Variants in STK3 observed in about 807,000 individuals in gnomAD.
STK3 encodes serine/threonine kinase 3.
A neutral mutation model predicts 58.0 loss-of-function variants in STK3; 41 were observed. That is an observed-to-expected ratio of 0.71 (90% CI 0.55 to 0.92). STK3 has a LOEUF of 0.92. Ranked by LOEUF, STK3 falls within the 40% of genes least tolerant of loss-of-function variation. The pLI, the probability that STK3 is intolerant of heterozygous loss-of-function variation, is 0.00. For synonymous variants in STK3, 170 were observed against 191.0 expected, an observed-to-expected ratio of 0.89 and a Z score of 0.91; for missense variants, 479 against 602.7, an observed-to-expected ratio of 0.79 and a Z score of 2.15.
intron 10 of STK3, among the ~76,000 whole-genome samples, chr8:98,484,977 C>T (rs1238239184): frequency 6.6e-6 from 1 of 152,098 alleles, no homozygotes; most frequent in African/African-American, 2.4e-5. Flanking sequence ...CGGTGGCTCA[C>T]GCCTGTAATC....
chr8:98,818,625 A>C (rs1834699768), intron 1 of STK3, among the ~76,000 whole-genome samples: 1 of 152,062 alleles, frequency 6.6e-6, no homozygotes, highest in Non-Finnish European at 1.5e-5. Flanking sequence ...CTCTATACTA[A>C]GATGTCTGGT....
At chr8:98,674,331 G>T (rs918846542) in intron 6 of STK3, among the ~76,000 whole-genome samples, 1 of 151,946 alleles carries the variant, frequency 6.6e-6, no homozygotes, top group Non-Finnish European at 1.5e-5. Flanking sequence ...ACCACTAAAA[G>T]ACTCATACAC....
chr8:98,461,961 CA>C (rs563855435), intron 10 of STK3, among the ~76,000 whole-genome samples: 1 of 4,120 alleles, frequency 2.4e-4, no homozygotes, highest in South Asian at 0.017. Context: ...TTAATTAAAA[CA>C]CTTTTTTTTT....
intron 1 of STK3, among the ~76,000 whole-genome samples, chr8:98,792,000 A>C (rs1225695182): frequency 6.6e-6 from 1 of 152,268 alleles, no homozygotes. Context: ...ACGACAAAAG[A>C]ACGGTCAGCA....
intron 1 of STK3, among the ~76,000 whole-genome samples, chr8:98,942,123 G>T (rs987067306): frequency 4.3e-4 from 66 of 152,368 alleles, no homozygotes; most frequent in African/African-American, 1.3e-3. Context: ...GCCCCGCAAT[G>T]CCTGCGCCCT....
chr8:98,366,339 T>C (rs938190285), downstream of STK3, among the ~76,000 whole-genome samples: 1 of 152,242 alleles, frequency 6.6e-6, no homozygotes, highest in Non-Finnish European at 1.5e-5. Flanking sequence ...TTTAAAATAA[T>C]GACTTAAAGA....
chr8:98,603,420 A>G (rs1797943180), intron 6 of STK3: 1 of 152,054 alleles, frequency 6.6e-6, no homozygotes. Context: ...CATTTTTAGT[A>G]GAGACAAGGT....
chr8:98,350,220 G>C, the STK3 span, among the ~76,000 whole-genome samples: 1 of 152,000 alleles, frequency 6.6e-6, no homozygotes, highest in Admixed American at 6.6e-5. Context: ...CAAATCTCTA[G>C]GGCAGGGGCA....
At chr8:98,499,478 G>C (rs963582513) in intron 10 of STK3, among the ~76,000 whole-genome samples, 1 of 152,208 alleles carries the variant, frequency 6.6e-6, no homozygotes, top group Non-Finnish European at 1.5e-5. Context: ...AGGCTAGAAG[G>C]AGTGGGAGGT....
chr8:98,376,337 C>A (rs10108488), intron 2 of STK3, among the ~76,000 whole-genome samples: 2 of 152,082 alleles, frequency 1.3e-5, no homozygotes, highest in East Asian at 3.9e-4. Flanking sequence ...TTGTCAGATG[C>A]GTGATTTGCA....
intron 4 of STK3, among the ~76,000 whole-genome samples, chr8:98,732,943 C>T (rs117584256): frequency 1.9e-3 from 293 of 152,246 alleles, no homozygotes; most frequent in Non-Finnish European, 3.5e-3. Context: ...AACATAGAGC[C>T]ATCAACCTAA....
At chr8:98,580,460 GAGA>G (rs1667983868) in intron 7 of STK3, among the ~76,000 whole-genome samples, 1 of 147,694 alleles carries the variant, frequency 6.8e-6, no homozygotes, top group Admixed American at 6.6e-5. Context: ...TCTTTTTATT[GAGA>G]AGGAGGGACA....
At chr8:98,722,620 C>G (rs1271447832) in intron 4 of STK3, 1 of 154,312 alleles carries the variant, frequency 6.5e-6, no homozygotes, top group African/African-American at 2.4e-5. Flanking sequence ...CAAATAATCT[C>G]TAGCTGTTTT....
At chr8:98,441,540 C>T (rs565515977) in intron 1 of STK3, among the ~76,000 whole-genome samples, 15 of 152,326 alleles carry the variant, frequency 9.8e-5, no homozygotes, top group South Asian at 4.1e-4. Context: ...TTTCTGGCTC[C>T]AAACCCAACA....
chr8:98,896,586 C>G (rs535005893), intron 1 of STK3, among the ~76,000 whole-genome samples: 1 of 152,298 alleles, frequency 6.6e-6, no homozygotes, highest in Admixed American at 6.5e-5. Context: ...TATTACCTGC[C>G]TCTGTTATCT....
intron 4 of STK3, among the ~76,000 whole-genome samples, chr8:98,740,468 A>C (rs1475731572): frequency 3.3e-5 from 5 of 152,278 alleles, no homozygotes; most frequent in South Asian, 4.1e-4. Flanking sequence ...GAATTTTTAA[A>C]CCAGAATTTC....
At position 98,669,504 on chromosome 8, in the gene STK3, A is replaced by G. The variant is rs547573538; in HGVS notation, c.684+36963T>C. The stretch of plus-strand genomic sequence containing the variant: ...ATACATTTGACTAATTAGTCAAAGA[A>G]TAAGAAGGCAGGGGAAAGAAATTTA... On this transcript the variant is annotated intron_variant, in intron 6 of 10. Coordinates refer to ENST00000419617, the MANE Select transcript of STK3 (RefSeq NM_006281.4). Among the ~76,000 whole-genome samples the G allele has an allele frequency of 2.0e-5, 3 of 152,328 alleles. No individual in the cohort carries two copies. In the South Asian group the frequency reaches 6.2e-4, roughly 32 times the overall value.
chr8:98,717,014 T>A (rs545762276), intron 4 of STK3, among the ~76,000 whole-genome samples: 9 of 152,052 alleles, frequency 5.9e-5, no homozygotes, highest in African/African-American at 2.2e-4. Context: ...TATACAAAAA[T>A]TAATTGAAAA....
intron 3 of STK3, among the ~76,000 whole-genome samples, chr8:98,416,232 G>C (rs977893154): frequency 6.6e-6 from 1 of 152,196 alleles, no homozygotes; most frequent in African/African-American, 2.4e-5. Context: ...GGGACTGAGA[G>C]CTGGATTTGG....
Sources: gnomAD v4.1 joint callset for allele counts (sites outside exome capture counted in the v4.1 genomes callset) on GRCh38, gnomAD v4.1.1 for gene constraint, MANE v1.5 for transcripts, NCBI Gene and HGNC (gene_info 2026-07-23, HGNC 2026-07-21) for gene names.